Variants in CFAP221 observed in about 807,000 individuals in gnomAD.
CFAP221 encodes cilia- and flagella-associated protein 221.
Under a neutral mutation model 113.1 loss-of-function variants are expected in CFAP221, and 97 were observed. The ratio of observed to expected loss-of-function variants is 0.86; its 90% CI spans 0.73 to 1.02. The LOEUF (loss-of-function observed/expected upper bound fraction) is 1.02, where lower values mean the gene tolerates loss of function less well. CFAP221 is among the 50% of genes least tolerant of loss of function. CFAP221 has a pLI of 0.00. For missense variants in CFAP221, 1,025 were observed against 1,013.4 expected (o/e 1.01, Z -0.16); for synonymous variants, 331 against 354.4 (o/e 0.93, Z 0.74).
chr2:119,621,478 A>T (rs1310838910), intron 14 of CFAP221, among the ~76,000 whole-genome samples: 1 of 152,204 alleles, frequency 6.6e-6, no homozygotes, highest in Non-Finnish European at 1.5e-5. Context: ...TATTAGAAAG[A>T]TCAATGGGAC....
chr2:119,633,599 A>G (rs1686924681), intron 19 of CFAP221, among the ~76,000 whole-genome samples: 1 of 151,722 alleles, frequency 6.6e-6, no homozygotes, highest in Non-Finnish European at 1.5e-5. Flanking sequence ...TAATACCAAA[A>G]TATATAAGAA....
At position 119,639,786 on chromosome 2, in the gene CFAP221, T is replaced by A. The variant is rs950209744; in HGVS notation, c.2139T>A (p.Ile713=). The A allele has an allele frequency of 6.2e-7, 1 of 1,613,826 alleles. No individual in the cohort carries two copies. Among genetic ancestry groups the A allele is most frequent in the Non-Finnish European group, 8.5e-7 (1 of 1,179,828 alleles). ...TGTGCTGACTTTCCTTACAGGACATTATTCCCGGAATAATGCACTGGAAAA... is the reference window on the plus strand; with the variant it reads ...TGTGCTGACTTTCCTTACAGGACATAATTCCCGGAATAATGCACTGGAAAA... ...TQKQFLHHTD[I]IPGIMHWKSF... The change falls in exon 21 of 24, where the codon ATT becomes ATA. Residue 713 remains isoleucine, a synonymous_variant. Coordinates refer to ENST00000413369, the MANE Select transcript of CFAP221 (RefSeq NM_001271049.2).
chr2:119,628,479 T>G, intron 16 of CFAP221, among the ~76,000 whole-genome samples: 1 of 152,240 alleles, frequency 6.6e-6, no homozygotes, highest in Admixed American at 6.5e-5. Context: ...TTCCGGTTCA[T>G]CTCATTTAAT....
intron 6 of CFAP221, among the ~76,000 whole-genome samples, chr2:119,576,434 T>TA (rs1156904337): frequency 6.6e-6 from 1 of 152,196 alleles, no homozygotes; most frequent in African/African-American, 2.4e-5. Flanking sequence ...AGCTCTCACT[T>TA]ACAAGTGAAA....
downstream of CFAP221, among the ~76,000 whole-genome samples, chr2:119,658,707 G>A (rs1029993604): frequency 5.9e-5 from 9 of 151,986 alleles, no homozygotes; most frequent in African/African-American, 9.7e-5. Flanking sequence ...ATGGCCAGGC[G>A]TGGTGGCTCA....
chr2:119,634,303 T>A (rs1471011977), intron 19 of CFAP221, among the ~76,000 whole-genome samples: 1 of 151,722 alleles, frequency 6.6e-6, no homozygotes, highest in Non-Finnish European at 1.5e-5. Context: ...AACAAGACAC[T>A]GTTTCTACAA....
At chr2:119,641,718 C>T (rs1052846718) in intron 21 of CFAP221, among the ~76,000 whole-genome samples, 3 of 152,152 alleles carry the variant, frequency 2.0e-5, no homozygotes, top group Non-Finnish European at 2.9e-5. Context: ...CCTCCTTCCC[C>T]GCCCACTAAG....
At chr2:119,649,167 G>A (rs1687980567) in intron 22 of CFAP221, among the ~76,000 whole-genome samples, 1 of 152,118 alleles carries the variant, frequency 6.6e-6, no homozygotes, top group Admixed American at 6.5e-5. Context: ...TTTAACTCCT[G>A]TCACTTATCA....
rs780035369 is a variant in CFAP221 at position 119,611,757 on chromosome 2, T to A, written c.1311+15T>A. ...ATCAAGAAGAGGTGGGTAACTTTCC[T>A]TTATTTAGAATCTGATTATTGGCAG... On this transcript the variant is annotated intron_variant, in intron 13 of 23. Coordinates refer to ENST00000413369, the MANE Select transcript of CFAP221 (RefSeq NM_001271049.2). 3.1e-5 allele frequency: 49 copies of A among 1,586,480 alleles called. No individual in the cohort carries two copies. The highest frequency in any genetic ancestry group is 3.8e-5 in the Non-Finnish European group (44 of 1,157,750).
rs984979183 is a variant in CFAP221 at position 119,574,706 on chromosome 2, A to G, written c.528-12413A>G. Among the ~76,000 whole-genome samples, 4 of 151,842 alleles carry G rather than the reference A, an allele frequency of 2.6e-5. No homozygotes were observed. The South Asian group carries it at 8.3e-4, about 32-fold the overall frequency. ...GTAGTATCTGCACACACATGCATGC[A>G]CACACACACACACTCACATACATGC... On this transcript the variant is annotated intron_variant, in intron 6 of 23. Transcript: ENST00000413369.
intron 6 of CFAP221, among the ~76,000 whole-genome samples, chr2:119,565,699 T>A (rs768744676): frequency 5.3e-5 from 8 of 152,358 alleles, no homozygotes; most frequent in Non-Finnish European, 8.8e-5. Flanking sequence ...ACTGTTTTCC[T>A]CCAGACATTC....
chr2:119,545,618 T>C (rs551969329), intron 1 of CFAP221, among the ~76,000 whole-genome samples: 2 of 152,238 alleles, frequency 1.3e-5, no homozygotes, highest in Non-Finnish European at 2.9e-5. Flanking sequence ...GAAATGCCAG[T>C]GTCCTGTAAA....
chr2:119,551,667 T>G (rs1680443867), intron 3 of CFAP221, among the ~76,000 whole-genome samples: 1 of 152,178 alleles, frequency 6.6e-6, no homozygotes, highest in Non-Finnish European at 1.5e-5. Flanking sequence ...TTGTGGTAAA[T>G]TTTGAAATCA....
Position 119,560,045 on chromosome 2 carries a change from CTTTTT to C in CFAP221, c.426+35_426+39del, listed in dbSNP as rs35631078. 1.6e-3 allele frequency: 1,408 copies of C among 871,406 alleles called. No individual in the cohort carries two copies. The highest frequency in any genetic ancestry group is 1.8e-3 in the Non-Finnish European group (1,103 of 616,982). The allele number at this position is 871,406 out of a possible 1,614,324, so 54.0% of individuals were successfully genotyped here. On this transcript the variant is annotated intron_variant, in intron 5 of 23. Coordinates refer to ENST00000413369, the MANE Select transcript of CFAP221 (RefSeq NM_001271049.2). ...CTGTAAGGTAGGTCTCTTAAAATTG[CTTTTT>C]TTTTTTTTTTTTTTTGATGGTGGGT... is the stretch of plus-strand genomic sequence containing the variant.
intron 17 of CFAP221, among the ~76,000 whole-genome samples, chr2:119,630,180 A>G (rs961782694): frequency 2.6e-5 from 4 of 152,262 alleles, no homozygotes; most frequent in Admixed American, 2.0e-4. Context: ...TATATCATGC[A>G]TATATGAAGC....
intron 21 of CFAP221, among the ~76,000 whole-genome samples, chr2:119,642,015 G>T (rs988477548): frequency 6.6e-6 from 1 of 152,184 alleles, no homozygotes; most frequent in Non-Finnish European, 1.5e-5. Context: ...TCCCGAGGCT[G>T]TTCTTTCAAC....
rs199873540 is a variant in CFAP221, at chr2:119,547,384, A to AC, written c.139+1118dup. 6.6e-3 allele frequency among the ~76,000 whole-genome samples: 1,008 copies of AC among 152,114 alleles called. 13 individuals carry two copies. The highest frequency in any genetic ancestry group is 0.023 in the African/African-American group (955 of 41,494). ...AGACCAGCCTGAACAACATGGTGAA[A>AC]CCCCAACTCTACTAAAATACAAAAA... On this transcript the variant is annotated intron_variant, in intron 2 of 23. Transcript: ENST00000413369.
chr2:119,568,139 A>G (rs942801337), intron 6 of CFAP221, among the ~76,000 whole-genome samples: 8 of 152,240 alleles, frequency 5.3e-5, no homozygotes, highest in Admixed American at 1.3e-4. Context: ...ATAAGTATAC[A>G]TTAGCATTAT....
intron 3 of CFAP221, among the ~76,000 whole-genome samples, chr2:119,558,232 T>G (rs749820113): frequency 6.6e-6 from 1 of 152,066 alleles, no homozygotes; most frequent in Non-Finnish European, 1.5e-5. Flanking sequence ...GAGTGGCCCC[T>G]CTCCATCCTC....
Sources: allele counts gnomAD v4.1 joint callset (sites outside exome capture counted in the v4.1 genomes callset), GRCh38; gene constraint gnomAD v4.1.1; transcripts MANE v1.5; gene names NCBI Gene and HGNC (gene_info 2026-07-23, HGNC 2026-07-21).